The following ZFAT variants were observed in gnomAD, a reference collection of about 807,000 sequenced individuals.
ZFAT encodes the protein zinc finger and AT-hook domain containing.
Under a neutral mutation model 117.7 loss-of-function variants are expected in ZFAT, and 64 were observed. The observed-to-expected ratio is 0.54, with a 90% CI of 0.44 to 0.67. ZFAT has a LOEUF of 0.67. ZFAT is among the 30% of genes least tolerant of loss of function. ZFAT has a pLI of 0.00. For synonymous variants in ZFAT, 679 were observed against 615.0 expected (o/e 1.10, Z -1.54); for missense variants, 1,433 against 1,584.5 (o/e 0.90, Z 1.62).
At chr8:134,617,301 A>G (rs1171242552) in intron 3 of ZFAT, among the ~76,000 whole-genome samples, 1 of 152,118 alleles carries the variant, frequency 6.6e-6, no homozygotes, top group Non-Finnish European at 1.5e-5. Flanking sequence ...ACATTCTCCC[A>G]ATGAACAAAG....
chr8:134,653,264 C>CTT (rs150558948), intron 2 of ZFAT, among the ~76,000 whole-genome samples: 8,348 of 84,480 alleles, frequency 0.099, 558 homozygotes, highest in African/African-American at 0.12. Context: ...ACCCAAATGT[C>CTT]TTTTTTAAAA....
intron 2 of ZFAT, among the ~76,000 whole-genome samples, chr8:134,640,870 G>C (rs961784342): frequency 6.6e-6 from 1 of 152,144 alleles, no homozygotes; most frequent in Non-Finnish European, 1.5e-5. Context: ...TGAGAATCTT[G>C]GGACTGGGCA....
chr8:134,520,406 G>A (rs1820568034), intron 13 of ZFAT, among the ~76,000 whole-genome samples: 1 of 152,100 alleles, frequency 6.6e-6, no homozygotes. Flanking sequence ...TATAATAAAG[G>A]CGTGTTTTCA....
the ZFAT span, among the ~76,000 whole-genome samples, chr8:134,831,388 C>T: frequency 1.3e-5 from 2 of 152,182 alleles, no homozygotes; most frequent in Non-Finnish European, 2.9e-5. Flanking sequence ...CTAAAATAAC[C>T]ATAAGCAACA....
At chr8:134,540,083 T>G (rs1239657522) in intron 11 of ZFAT, among the ~76,000 whole-genome samples, 1 of 152,222 alleles carries the variant, frequency 6.6e-6, no homozygotes, top group African/African-American at 2.4e-5. Context: ...AATCAGTTCA[T>G]TAGCATATTA....
chr8:134,767,589 C>G, the ZFAT span, among the ~76,000 whole-genome samples: 1 of 152,138 alleles, frequency 6.6e-6, no homozygotes, highest in Non-Finnish European at 1.5e-5. Context: ...GTAATATCAA[C>G]ACTTTGGGAG....
At chr8:134,488,917 C>A (rs925368605) in intron 15 of ZFAT, among the ~76,000 whole-genome samples, 1 of 135,838 alleles carries the variant, frequency 7.4e-6, no homozygotes, top group Non-Finnish European at 1.5e-5. Context: ...AAGGGCTGGA[C>A]AGATGCAATG....
At chr8:134,781,462 C>G in the ZFAT span, among the ~76,000 whole-genome samples, 7 of 152,138 alleles carry the variant, frequency 4.6e-5, no homozygotes, top group African/African-American at 1.7e-4. Flanking sequence ...TACTCAAGAT[C>G]CTAATAGCAC....
intron 15 of ZFAT, among the ~76,000 whole-genome samples, chr8:134,492,883 T>C (rs1272076565): frequency 6.6e-6 from 1 of 152,144 alleles, no homozygotes; most frequent in Non-Finnish European, 1.5e-5. Context: ...CTTGTGGAAA[T>C]ATCAGGAGAT....
intron 12 of ZFAT, among the ~76,000 whole-genome samples, chr8:134,524,927 G>C (rs563086131): frequency 6.6e-6 from 1 of 152,312 alleles, no homozygotes; most frequent in South Asian, 2.1e-4. Flanking sequence ...CATACATCAA[G>C]TCATGGTTTC....
At chr8:134,601,103 C>A (rs1827407946) in intron 6 of ZFAT, among the ~76,000 whole-genome samples, 1 of 152,206 alleles carries the variant, frequency 6.6e-6, no homozygotes, top group African/African-American at 2.4e-5. Flanking sequence ...GACCTCCCTA[C>A]AGAGAGCTGC....
At chr8:134,667,850 T>C (rs1211687610) in intron 1 of ZFAT, among the ~76,000 whole-genome samples, 3 of 152,150 alleles carry the variant, frequency 2.0e-5, no homozygotes, top group Non-Finnish European at 2.9e-5. Flanking sequence ...GGGAATTCAC[T>C]TTCCTAGCCA....
chr8:134,702,620 G>A (rs1437801013), intron 1 of ZFAT, among the ~76,000 whole-genome samples: 1 of 151,542 alleles, frequency 6.6e-6, no homozygotes, highest in Non-Finnish European at 1.5e-5. Flanking sequence ...TGATTGTAAG[G>A]CCTCCACAGC....
chr8:134,493,621 T>C (rs982735924), intron 15 of ZFAT, among the ~76,000 whole-genome samples: 42 of 152,164 alleles, frequency 2.8e-4, no homozygotes, highest in Non-Finnish European at 2.9e-5. Context: ...AGAGAGTGCA[T>C]GGGAATGAAG....
the ZFAT span, among the ~76,000 whole-genome samples, chr8:134,735,184 G>A: frequency 3.3e-5 from 5 of 152,150 alleles, no homozygotes; most frequent in African/African-American, 1.2e-4. Flanking sequence ...CATGGATTTG[G>A]GGGATATAAA....
chr8:134,599,876 C>T (rs1239815140), intron 7 of ZFAT: 2 of 437,372 alleles, frequency 4.6e-6, no homozygotes, highest in Admixed American at 5.4e-5. Context: ...AAGAAATTTA[C>T]CTTTGTGAAT....
chr8:134,641,574 C>T (rs1387769862), intron 2 of ZFAT, among the ~76,000 whole-genome samples: 1 of 152,196 alleles, frequency 6.6e-6, no homozygotes, highest in Non-Finnish European at 1.5e-5. Context: ...GCCCACACCA[C>T]TCCCTGATTG....
At position 134,532,957 on chromosome 8, in the gene ZFAT, G is replaced by A. The variant is rs1172073734; in HGVS notation, c.2992C>T (p.His998Tyr). 5 of 1,605,226 alleles carry A rather than the reference G, an allele frequency of 3.1e-6. No homozygotes were observed. Among genetic ancestry groups the A allele is most frequent in the Non-Finnish European group, 3.4e-6 (4 of 1,175,990 alleles). The stretch of plus-strand genomic sequence containing the variant: ...GATATGTTGCAGGAGTAATGGCAAT[G>A]GGCACAGCGGAAAGGCTGCGGGGAC... ...HVSFKPFRCA[H>Y]CHYSCNISGS... Residue 998 changes from histidine (H) to tyrosine (Y), a missense_variant, in exon 12 of 16, where the codon CAT becomes TAT. His to Tyr is a moderately conservative substitution (Grantham distance 83, BLOSUM62 2). Coordinates refer to ENST00000377838, the MANE Select transcript of ZFAT (RefSeq NM_020863.4).
At chr8:134,628,511 G>A (rs1461500886) in intron 3 of ZFAT, among the ~76,000 whole-genome samples, 1 of 152,188 alleles carries the variant, frequency 6.6e-6, no homozygotes, top group Non-Finnish European at 1.5e-5. Flanking sequence ...TCATAAAGAT[G>A]CTTAACGCTA....
Sources: gnomAD v4.1 joint callset for allele counts (sites outside exome capture counted in the v4.1 genomes callset) on GRCh38, gnomAD v4.1.1 for gene constraint, MANE v1.5 for transcripts, NCBI Gene and HGNC (gene_info 2026-07-23, HGNC 2026-07-21) for gene names.